Variants in EPB41L3 observed in about 807,000 individuals in gnomAD.
EPB41L3 encodes band 4.1-like protein 3.
EPB41L3 carries 57 observed loss-of-function variants against 127.1 expected under a neutral mutation model. The observed-to-expected ratio is 0.45, with a 90% confidence interval of 0.36 to 0.56. The LOEUF (loss-of-function observed/expected upper bound fraction) is 0.56. Ranked by LOEUF, EPB41L3 falls within the 20% of genes least tolerant of loss-of-function variation. The pLI is 0.00. For synonymous variants in EPB41L3, 572 were observed against 549.5 expected, an observed-to-expected ratio of 1.04 and a Z score of -0.57; for missense variants, 1,273 against 1,372.2, an observed-to-expected ratio of 0.93 and a Z score of 1.14.
At chr18:5,488,923 G>A in intron 2 of EPB41L3, 78 bp downstream of exon 2, 1 of 1,456,730 alleles carries the variant, frequency 6.9e-7, no homozygotes, top group Non-Finnish European at 9.0e-7. Flanking sequence ...TGCCTCTAGG[G>A]CTAAGAGACC....
chr18:5,473,551 A>G (rs2086560938), intron 3 of EPB41L3, among the ~76,000 whole-genome samples: 1 of 151,694 alleles, frequency 6.6e-6, no homozygotes, highest in African/African-American at 2.4e-5. Flanking sequence ...GCAAAGTCCT[A>G]ATTCGATAGT....
chr18:5,608,822 A>G (rs2094693152), intron 3 of EPB41L3, among the ~76,000 whole-genome samples: 1 of 152,192 alleles, frequency 6.6e-6, no homozygotes, highest in African/African-American at 2.4e-5. Context: ...GGAACTAAAG[A>G]ATCATAACAT....
chr18:5,544,752 T>G (rs1243436757), upstream of EPB41L3, among the ~76,000 whole-genome samples: 1 of 152,176 alleles, frequency 6.6e-6, no homozygotes, highest in African/African-American at 2.4e-5. Flanking sequence ...ACAGGGTGAC[T>G]ATAGTCAAAA....
intron 3 of EPB41L3, among the ~76,000 whole-genome samples, chr18:5,448,271 A>G (rs970361559): frequency 6.6e-6 from 1 of 152,186 alleles, no homozygotes; most frequent in African/African-American, 2.4e-5. Context: ...CTGCCAACGG[A>G]TGGAGGTGGG....
intron 3 of EPB41L3, among the ~76,000 whole-genome samples, chr18:5,474,384 T>C (rs1441423823): frequency 1.3e-5 from 2 of 152,178 alleles, no homozygotes; most frequent in African/African-American, 2.4e-5. Context: ...AGTAAGTGTT[T>C]AGTCATTGCT....
upstream of EPB41L3, among the ~76,000 whole-genome samples, chr18:5,546,268 C>T (rs12607998): frequency 0.56 from 84,245 of 151,524 alleles, 25,929 homozygotes; most frequent in Non-Finnish European, 0.68. Context: ...CGCAGTGGCT[C>T]ATGCCTGTAA....
chr18:5,430,486 CA>C (rs915970634), intron 8 of EPB41L3, among the ~76,000 whole-genome samples: 19 of 146,920 alleles, frequency 1.3e-4, no homozygotes, highest in East Asian at 2.0e-4. Flanking sequence ...AATCGCACGG[CA>C]AAAAAAAATG....
At chr18:5,453,254 C>G (rs2082540644) in intron 3 of EPB41L3, among the ~76,000 whole-genome samples, 1 of 152,142 alleles carries the variant, frequency 6.6e-6, no homozygotes, top group South Asian at 2.1e-4. Flanking sequence ...AGAAATCTGT[C>G]AAGTCAAAAA....
intron 22 of EPB41L3, chr18:5,393,859 C>A (rs1303440441): frequency 5.5e-6 from 1 of 182,726 alleles, no homozygotes; most frequent in African/African-American, 2.4e-5. Context: ...CCAAGTTGTG[C>A]AAGTCGCTCG....
upstream of EPB41L3, among the ~76,000 whole-genome samples, chr18:5,548,614 GA>G (rs1307893242): frequency 6.6e-6 from 1 of 151,988 alleles, no homozygotes; most frequent in Admixed American, 6.6e-5. Flanking sequence ...TATCCTTATT[GA>G]TTTTTTTACT....
At chr18:5,426,399 A>G (rs2078190346) in intron 9 of EPB41L3, among the ~76,000 whole-genome samples, 1 of 151,946 alleles carries the variant, frequency 6.6e-6, no homozygotes, top group Admixed American at 6.6e-5. Flanking sequence ...TACTTCCTCT[A>G]TCCTGTCTCT....
At chr18:5,479,351 G>A (rs1477059089) in intron 2 of EPB41L3, among the ~76,000 whole-genome samples, 1 of 152,126 alleles carries the variant, frequency 6.6e-6, no homozygotes, top group Non-Finnish European at 1.5e-5. Flanking sequence ...TTCTGTTTAG[G>A]GCTTTGAAAT....
rs2093802479 is a variant in EPB41L3 at position 5,543,420 on chromosome 18, C to A, written c.-12+493G>T. On this transcript the variant is annotated intron_variant, in intron 1 of 22. Coordinates refer to ENST00000341928, the MANE Select transcript of EPB41L3 (RefSeq NM_012307.5). The surrounding 1 kb of genome is among the most constrained non-coding windows in gnomAD (Gnocchi z 5.2). ...CCGCGGCCCGCCAGCCGCCACCCGC[C>A]CGGGCGGCGCCGCAGTGTCGCCCCC... The A allele has an allele frequency of 6.8e-6, 1 of 147,170 alleles. No individual in the cohort carries two copies. Among genetic ancestry groups the A allele is most frequent in the Non-Finnish European group, 1.5e-5 (1 of 66,198 alleles). 9.1% of individuals were successfully genotyped at this position (147,170 alleles called of 1,614,324 possible).
intron 10 of EPB41L3, among the ~76,000 whole-genome samples, chr18:5,424,060 A>T (rs2077827945): frequency 6.6e-6 from 1 of 152,236 alleles, no homozygotes; most frequent in South Asian, 2.1e-4. Context: ...GGTTTGGGAC[A>T]TGTAAGTACA....
intron 1 of EPB41L3, among the ~76,000 whole-genome samples, chr18:5,507,242 C>A (rs1749166444): frequency 6.6e-6 from 1 of 152,072 alleles, no homozygotes; most frequent in South Asian, 2.1e-4. Flanking sequence ...CAAACACACA[C>A]ACATACAGAG....
chr18:5,523,867 CT>C (rs1412008905), intron 1 of EPB41L3, among the ~76,000 whole-genome samples: 1 of 151,588 alleles, frequency 6.6e-6, no homozygotes, highest in African/African-American at 2.4e-5. Context: ...TTTTAAAAAC[CT>C]TTTTTAAAAA....
intron 3 of EPB41L3, among the ~76,000 whole-genome samples, chr18:5,585,341 T>TCC (rs2094432876): frequency 6.6e-6 from 1 of 152,050 alleles, no homozygotes; most frequent in Non-Finnish European, 1.5e-5. Context: ...TGTTTTTGAG[T>TCC]CGCCCAGGCT....
chr18:5,495,397 C>G (rs2148412606), intron 1 of EPB41L3, among the ~76,000 whole-genome samples: 1 of 129,900 alleles, frequency 7.7e-6, no homozygotes, highest in South Asian at 2.6e-4. Flanking sequence ...GTATTGGAAA[C>G]TTAAAAAAAA....
At chr18:5,496,698 C>T (rs1027789455) in intron 1 of EPB41L3, among the ~76,000 whole-genome samples, 7 of 152,332 alleles carry the variant, frequency 4.6e-5, no homozygotes, top group Admixed American at 4.6e-4. Context: ...AGTGTACATT[C>T]AGCAGTGACA....
Sources: allele counts gnomAD v4.1 joint callset (sites outside exome capture counted in the v4.1 genomes callset), GRCh38; gene constraint gnomAD v4.1.1; non-coding constraint Gnocchi (gnomAD v3.1); transcripts MANE v1.5; gene names NCBI Gene and HGNC (gene_info 2026-07-23, HGNC 2026-07-21).